The following PIP4K2B variants were observed in gnomAD, a reference collection of about 807,000 sequenced individuals.
PIP4K2B encodes phosphatidylinositol-5-phosphate 4-kinase type 2 beta.
Under a neutral mutation model 42.0 loss-of-function variants are expected in PIP4K2B, and 3 were observed. The observed-to-expected ratio is 0.07, with a 90% CI of 0.03 to 0.18. The LOEUF is 0.18. Ranked by LOEUF, PIP4K2B falls within the 10% of genes least tolerant of loss-of-function variation. PIP4K2B has a pLI of 1.00. For missense variants in PIP4K2B, 332 were observed against 562.3 expected (o/e 0.59, Z 4.14); for synonymous variants, 204 against 210.1 (o/e 0.97, Z 0.25).
intron 1 of PIP4K2B, among the ~76,000 whole-genome samples, chr17:38,789,376 C>T (rs181673582): frequency 2.1e-3 from 326 of 152,338 alleles, no homozygotes; most frequent in African/African-American, 7.2e-3. Context: ...CCCATCACAG[C>T]AGAGTATTTG....
chr17:38,771,280 G>A lies in PIP4K2B; in HGVS notation c.808-8C>T. The A allele has an allele frequency of 3.1e-6, 5 of 1,613,944 alleles. No individual in the cohort carries two copies. Among genetic ancestry groups the A allele is most frequent in the Non-Finnish European group, 4.2e-6 (5 of 1,179,886 alleles). ...CTTCAGCTGTGCCAAGAACTAGGAAGGGCAAGGATGGAAAGATGGAAGGAA... is the reference window on the plus strand; with the variant it reads ...CTTCAGCTGTGCCAAGAACTAGGAAAGGCAAGGATGGAAAGATGGAAGGAA... On this transcript the variant is annotated splice_region_variant and splice_polypyrimidine_tract_variant and intron_variant, in intron 7 of 9. Coordinates refer to ENST00000619039, the MANE Select transcript of PIP4K2B (RefSeq NM_003559.5).
At chr17:38,787,332 G>A (rs1910085696) in intron 1 of PIP4K2B, among the ~76,000 whole-genome samples, 1 of 152,104 alleles carries the variant, frequency 6.6e-6, no homozygotes, top group African/African-American at 2.4e-5. Context: ...CTTTATTTCT[G>A]TTCTTCTCTT....
chr17:38,773,304 A>C (rs1032647135), intron 7 of PIP4K2B, among the ~76,000 whole-genome samples: 1 of 152,176 alleles, frequency 6.6e-6, no homozygotes, highest in South Asian at 2.1e-4. Flanking sequence ...AAACCATACA[A>C]GAATGGCAGC....
At chr17:38,778,395 G>C (rs1598047556) in intron 5 of PIP4K2B, 23 bp from the exon 6 acceptor site, 1 of 1,613,530 alleles carries the variant, frequency 6.2e-7, no homozygotes, top group Non-Finnish European at 8.5e-7. Flanking sequence ...GAGCCATCAG[G>C]GGAAGTCAAG....
chr17:38,772,874 C>T (rs994389648), intron 7 of PIP4K2B, among the ~76,000 whole-genome samples: 2 of 152,164 alleles, frequency 1.3e-5, no homozygotes, highest in Non-Finnish European at 1.5e-5. Flanking sequence ...AGCCACTGCA[C>T]CTGGCCAGCT....
intron 2 of PIP4K2B, 101 bp downstream of exon 2, chr17:38,786,722 A>G (rs1910032924): frequency 1.3e-6 from 1 of 776,138 alleles, no homozygotes; most frequent in Non-Finnish European, 2.3e-6. Flanking sequence ...ACACCCTGCC[A>G]GGTGCTGCCT....
At chr17:38,792,201 T>G (rs1434912245) in intron 1 of PIP4K2B, among the ~76,000 whole-genome samples, 1 of 151,926 alleles carries the variant, frequency 6.6e-6, no homozygotes, top group Non-Finnish European at 1.5e-5. Flanking sequence ...CAGGCTAGAG[T>G]GCAGTGGTAT....
intron 4 of PIP4K2B, 77 bp downstream of exon 4, chr17:38,780,375 C>T (rs1304867871): frequency 7.4e-7 from 1 of 1,350,672 alleles, no homozygotes; most frequent in Admixed American, 2.0e-5. Flanking sequence ...CCAACCCCTC[C>T]CTAAGAAGCT....
intron 7 of PIP4K2B, among the ~76,000 whole-genome samples, chr17:38,777,253 T>C (rs574885192): frequency 6.6e-6 from 1 of 152,194 alleles, no homozygotes; most frequent in South Asian, 2.1e-4. Context: ...TTAGTAGAGA[T>C]GAGGTCTTGC....
chr17:38,793,682 G>A (rs1462445081), intron 1 of PIP4K2B, among the ~76,000 whole-genome samples: 1 of 152,032 alleles, frequency 6.6e-6, no homozygotes, highest in Non-Finnish European at 1.5e-5. Context: ...ACCAGCCTGG[G>A]CAACATGGCA....
At chr17:38,794,497 A>T (rs1045728448) in intron 1 of PIP4K2B, among the ~76,000 whole-genome samples, 1 of 122,398 alleles carries the variant, frequency 8.2e-6, no homozygotes, top group Non-Finnish European at 1.6e-5. Flanking sequence ...CAATACAATT[A>T]AAAAAAAAAA....
At chr17:38,792,878 A>G (rs1196191645) in intron 1 of PIP4K2B, 2 of 152,162 alleles carry the variant, frequency 1.3e-5, no homozygotes, top group African/African-American at 2.4e-5. Context: ...GTGAGGTGGG[A>G]AGGCCTGCTA....
intron 7 of PIP4K2B, among the ~76,000 whole-genome samples, chr17:38,775,170 G>C (rs1434805151): frequency 1.3e-5 from 2 of 152,054 alleles, no homozygotes; most frequent in African/African-American, 4.8e-5. Context: ...AGCCAGGATG[G>C]TCTCGATCTC....
At chr17:38,771,295 G>C in intron 7 of PIP4K2B, 23 bp from the exon 8 acceptor site, 1 of 1,613,750 alleles carries the variant, frequency 6.2e-7, no homozygotes, top group Non-Finnish European at 8.5e-7. Context: ...AGGATGGAAA[G>C]ATGGAAGGAA....
At position 38,768,295 on chromosome 17, in the gene PIP4K2B, G is replaced by C. The variant is rs1908812543; in HGVS notation, c.*1396C>G. 1 of 152,404 alleles carries C rather than the reference G, an allele frequency of 6.6e-6. No homozygotes were observed. Among genetic ancestry groups the C allele is most frequent in the South Asian group, 2.1e-4 (1 of 4,838 alleles). The allele number at this position is 152,404 out of a possible 1,614,324, so 9.4% of individuals were successfully genotyped here. On this transcript the variant is annotated 3_prime_UTR_variant, in exon 10 of 10. Coordinates refer to ENST00000619039, the MANE Select transcript of PIP4K2B (RefSeq NM_003559.5). ...AGAGCAGCCTGTGGCTCAGTTCTGA[G>C]GGCCTGGGTGGCAGGCTCCGAAGGC...
intron 1 of PIP4K2B, among the ~76,000 whole-genome samples, chr17:38,794,751 A>G (rs1226718364): frequency 1.3e-5 from 2 of 152,120 alleles, no homozygotes; most frequent in Admixed American, 6.6e-5. Context: ...CAAAAAAGAT[A>G]AACTGGACTT....
chr17:38,771,710 C>T (rs1909054436), intron 7 of PIP4K2B, among the ~76,000 whole-genome samples: 1 of 152,118 alleles, frequency 6.6e-6, no homozygotes, highest in Admixed American at 6.6e-5. Flanking sequence ...GAAGAGGGAA[C>T]AGCCCATGAC....
chr17:38,782,818 TCTAGGTTTCACTGTGCTATACA>T (rs1170941849), intron 3 of PIP4K2B, among the ~76,000 whole-genome samples: 5 of 152,114 alleles, frequency 3.3e-5, no homozygotes, highest in Non-Finnish European at 7.4e-5. Context: ...GGGCATCCAT[TCTAGGTTTCACTGTGCTATACA>T]CTAGGTTTCA....
intron 7 of PIP4K2B, chr17:38,776,047 C>T (rs1029056430): frequency 9.1e-5 from 41 of 449,030 alleles, no homozygotes; most frequent in South Asian, 1.7e-4. Flanking sequence ...GGAGGGTCAC[C>T]GCAACCTCCG....
Sources: allele counts gnomAD v4.1 joint callset (sites outside exome capture counted in the v4.1 genomes callset), GRCh38; gene constraint gnomAD v4.1.1; transcripts MANE v1.5; gene names NCBI Gene and HGNC (gene_info 2026-07-23, HGNC 2026-07-21).